ESRRB: variants seen among roughly 807,000 people sequenced by gnomAD.
ESRRB encodes the protein steroid hormone receptor ERR2.
Under a neutral mutation model 46.0 loss-of-function variants are expected in ESRRB, and 16 were observed. The observed-to-expected ratio is 0.35, with a 90% confidence interval of 0.24 to 0.53. ESRRB has a LOEUF of 0.53. Ranked by LOEUF, ESRRB falls within the 20% of genes least tolerant of loss-of-function variation. ESRRB has a pLI of 0.93. For synonymous variants in ESRRB, 246 were observed against 259.6 expected, an observed-to-expected ratio of 0.95 and a Z score of 0.50; for missense variants, 488 against 607.4, an observed-to-expected ratio of 0.80 and a Z score of 2.07.
intron 1 of ESRRB, among the ~76,000 whole-genome samples, chr14:76,360,406 G>A (rs200983222): frequency 6.6e-6 from 1 of 150,978 alleles, no homozygotes; most frequent in African/African-American, 2.4e-5. Flanking sequence ...AGAGGGAGAG[G>A]GAGAGAGAGA....
intron 1 of ESRRB, among the ~76,000 whole-genome samples, chr14:76,315,629 T>C (rs1883791021): frequency 6.6e-6 from 1 of 152,230 alleles, no homozygotes; most frequent in Non-Finnish European, 1.5e-5. Context: ...TTGACACTTT[T>C]ATTTGTTCAG....
rs1446839355 is a variant in ESRRB at position 76,347,414 on chromosome 14, AG to A, written c.2+36499del. ...AAATGGGGACAGTATTTGCTCATGA[AG>A]TGTGTGTGTGTGTGTGTGTCACACA... On this transcript the variant is annotated intron_variant, in intron 1 of 6. Coordinates refer to the ESRRB transcript ENST00000512784. Among the ~76,000 whole-genome samples the A allele has an allele frequency of 2.1e-5, 2 of 96,142 alleles. 1 individual carries two copies. The highest frequency in any genetic ancestry group is 4.5e-5 in the Non-Finnish European group (2 of 44,346). The allele number at this position is 96,142 out of a possible 152,430, so 63.1% of individuals were successfully genotyped here.
intron 2 of ESRRB, among the ~76,000 whole-genome samples, chr14:76,453,597 CTTT>C (rs796736002): frequency 0.051 from 6,861 of 134,168 alleles, 466 homozygotes; most frequent in African/African-American, 0.18. Context: ...AAAAAAAGCT[CTTT>C]TTTTTTTTTT....
At chr14:76,490,724 G>T (rs1341632968) in intron 5 of ESRRB, among the ~76,000 whole-genome samples, 1 of 152,190 alleles carries the variant, frequency 6.6e-6, no homozygotes, top group Non-Finnish European at 1.5e-5. Flanking sequence ...ATAGCAGGGA[G>T]GGGGGAACTA....
chr14:76,362,287 A>G (rs750853285), intron 1 of ESRRB, among the ~76,000 whole-genome samples: 2 of 152,198 alleles, frequency 1.3e-5, no homozygotes, highest in African/African-American at 2.4e-5. Flanking sequence ...TCAGGGTCAC[A>G]TTGCTAATGA....
At chr14:76,377,120 C>T (rs1884802814) in intron 1 of ESRRB, among the ~76,000 whole-genome samples, 1 of 152,198 alleles carries the variant, frequency 6.6e-6, no homozygotes, top group Non-Finnish European at 1.5e-5. Context: ...CAGAAGGGCA[C>T]CATTTCCCTG....
intron 1 of ESRRB, among the ~76,000 whole-genome samples, chr14:76,420,573 GTGTGTGTGTGTGTGTGTGTGTT>G (rs1027889329): frequency 4.0e-5 from 6 of 151,338 alleles, no homozygotes; most frequent in African/African-American, 1.5e-4. Flanking sequence ...GTGTGTGTGT[GTGTGTGTGTGTGTGTGTGTGTT>G]TGTGTATGAG....
At chr14:76,343,936 G>C (rs1884220150) in intron 1 of ESRRB, among the ~76,000 whole-genome samples, 1 of 152,222 alleles carries the variant, frequency 6.6e-6, no homozygotes. Context: ...GTAATGGTAA[G>C]ACATTTTAAT....
rs201481591 is a variant in ESRRB, at chr14:76,482,061, G to A, written c.623G>A (p.Arg208Gln). The A allele has an allele frequency of 1.9e-5, 31 of 1,614,208 alleles. No individual in the cohort carries two copies. Among genetic ancestry groups the A allele is most frequent in the Middle Eastern group, 1.6e-4 (1 of 6,062 alleles). ...RVRGGRQKYK[R>Q]RLDSESSPYL... is the part of the protein sequence containing the mutation. ...CGTGGAGGCCGTCAGAAATACAAGC[G>A]ACGGCTGGACTCAGAGAGCAGCCCA... Residue 208 changes from arginine to glutamine, a missense_variant, in exon 4 of 7, where the codon CGA (arginine) becomes CAA (glutamine). Physicochemically the swap from Arg to Gln is conservative, Grantham distance 43. Coordinates refer to ENST00000644823, the MANE Select transcript of ESRRB (RefSeq NM_001379180.1). The surrounding 1 kb of genome is among the most constrained non-coding windows in gnomAD (Gnocchi z 4.3).
At chr14:76,319,015 A>C (rs1178045213) in intron 1 of ESRRB, among the ~76,000 whole-genome samples, 1 of 152,196 alleles carries the variant, frequency 6.6e-6, no homozygotes, top group Non-Finnish European at 1.5e-5. Context: ...CCAAGTGAGC[A>C]TCCTTCCATT....
chr14:76,484,697 C>T (rs1889936633), intron 5 of ESRRB, among the ~76,000 whole-genome samples: 1 of 151,654 alleles, frequency 6.6e-6, no homozygotes, highest in Non-Finnish European at 1.5e-5. Flanking sequence ...CTTTCCACCT[C>T]CCAGCTCCAT....
At chr14:76,465,812 T>G (rs1199747025) in intron 3 of ESRRB, among the ~76,000 whole-genome samples, 1 of 152,210 alleles carries the variant, frequency 6.6e-6, no homozygotes, top group Non-Finnish European at 1.5e-5. Flanking sequence ...CAGGTCCAGA[T>G]CCAAGAGCGG....
At chr14:76,335,639 A>G (rs1217439834) in intron 1 of ESRRB, among the ~76,000 whole-genome samples, 1 of 152,158 alleles carries the variant, frequency 6.6e-6, no homozygotes, top group Non-Finnish European at 1.5e-5. Flanking sequence ...TCTTGTACAC[A>G]GTGGGTGCTC....
intron 1 of ESRRB, among the ~76,000 whole-genome samples, chr14:76,398,131 A>G (rs1885776414): frequency 6.6e-6 from 1 of 152,260 alleles, no homozygotes; most frequent in African/African-American, 2.4e-5. Flanking sequence ...GCTAGCTGGC[A>G]TGCATTGAAG....
Position 76,439,435 on chromosome 14 carries a change from G to A in ESRRB, c.145G>A (p.Asp49Asn), listed in dbSNP as rs1181621831. The change falls in exon 2 of 7, where the codon GAT becomes AAT. Residue 49 changes from aspartate (D) to asparagine (N), a missense_variant. By Grantham distance (23) the Asp-to-Asn change is conservative. Transcript: ENST00000644823. The part of the protein sequence containing the change: ...TEPSSPSSGI[D>N]ALSHHSPSGS... Reference sequence around the variant, plus strand: ...GCCGTCCAGCCCGTCCTCGGGCATCGATGCCCTCAGCCACCACAGCCCCAG... The same window carrying A: ...GCCGTCCAGCCCGTCCTCGGGCATCAATGCCCTCAGCCACCACAGCCCCAG... 6.2e-7 allele frequency: 1 copy of A among 1,613,504 alleles called. No individual in the cohort carries two copies. Among genetic ancestry groups the A allele is most frequent in the Non-Finnish European group, 8.5e-7 (1 of 1,179,880 alleles).
rs1225754748 is a variant in ESRRB, at chr14:76,501,613, T to C, written c.*3155T>C. ...ACGGAACAGCACCAAAGAAAAGCAC[T>C]ATGTGGAAAGATTGTTTTATTTTCT... On this transcript the variant is annotated 3_prime_UTR_variant, in exon 7 of 7. Transcript: ENST00000644823. 1.3e-5 allele frequency: 2 copies of C among 152,172 alleles called. No homozygotes were observed. The highest frequency in any genetic ancestry group is 4.8e-5 in the African/African-American group (2 of 41,438). 9.4% of individuals were successfully genotyped at this position (152,172 alleles called of 1,614,324 possible).
At chr14:76,462,495 G>A (rs374964388) in intron 2 of ESRRB, 50 bp from the exon 3 acceptor site, 6 of 1,433,612 alleles carry the variant, frequency 4.2e-6, no homozygotes, top group East Asian at 4.6e-5. Flanking sequence ...CTGGCAGGTG[G>A]GGGCCCTGGG....
intron 1 of ESRRB, among the ~76,000 whole-genome samples, chr14:76,425,395 T>C (rs1013828971): frequency 1.3e-5 from 2 of 152,180 alleles, no homozygotes; most frequent in Admixed American, 1.3e-4. Context: ...GGTAGCCACA[T>C]GGCTGGGATT....
At chr14:76,462,311 C>T (rs1442793637) in intron 2 of ESRRB, among the ~76,000 whole-genome samples, 14 of 152,200 alleles carry the variant, frequency 9.2e-5, no homozygotes, top group Admixed American at 9.2e-4. Flanking sequence ...GGTGGCCATC[C>T]TCTGGAGAGT....
Sources: allele counts gnomAD v4.1 joint callset (sites outside exome capture counted in the v4.1 genomes callset), GRCh38; gene constraint gnomAD v4.1.1; non-coding constraint Gnocchi (gnomAD v3.1); transcripts MANE v1.5; gene names NCBI Gene and HGNC (gene_info 2026-07-23, HGNC 2026-07-21).